Variants in AGAP1 observed in about 807,000 individuals in gnomAD.
The protein encoded by AGAP1 is ArfGAP with GTPase domain, ankyrin repeat and PH domain 1, also known as arf-GAP with GTPase, ANK repeat and PH domain-containing protein 1.
Under a neutral mutation model 105.3 loss-of-function variants are expected in AGAP1, and 29 were observed. The ratio of observed to expected loss-of-function variants is 0.28; its 90% CI spans 0.21 to 0.38. The LOEUF is 0.38. Among genes scored for constraint, AGAP1 ranks in the 10% least tolerant of loss-of-function variants. AGAP1 has a pLI of 1.00. For synonymous variants in AGAP1, 509 were observed against 485.9 expected (o/e 1.05, Z -0.63); for missense variants, 998 against 1,165.1 (o/e 0.86, Z 2.09).
At chr2:235,870,235 G>A (rs745425105) in intron 9 of AGAP1, among the ~76,000 whole-genome samples, 1 of 152,200 alleles carries the variant, frequency 6.6e-6, no homozygotes, top group African/African-American at 2.4e-5. Flanking sequence ...CGTGGATGAG[G>A]TTCCTTGCAT....
chr2:235,525,443 TGTGGAGGACTGATACATAAC>T (rs1276202108), intron 1 of AGAP1, among the ~76,000 whole-genome samples: 14 of 143,030 alleles, frequency 9.8e-5, no homozygotes, highest in East Asian at 4.2e-4. Flanking sequence ...TGATACATAA[TGTGGAGGACTGATACATAAC>T]GTGGAGGACT....
intron 1 of AGAP1, among the ~76,000 whole-genome samples, chr2:235,523,031 T>C (rs1942684284): frequency 6.6e-6 from 1 of 151,996 alleles, no homozygotes; most frequent in Non-Finnish European, 1.5e-5. Context: ...GTTCTGGCGG[T>C]TGGGAGTCCA....
At chr2:235,563,348 C>T (rs1255839459) in intron 1 of AGAP1, among the ~76,000 whole-genome samples, 2 of 152,302 alleles carry the variant, frequency 1.3e-5, no homozygotes, top group African/African-American at 2.4e-5. Context: ...CCTGTCCTGG[C>T]CACGGCTTGA....
intron 11 of AGAP1, among the ~76,000 whole-genome samples, chr2:235,924,654 A>G (rs1006159768): frequency 1.3e-5 from 2 of 152,304 alleles, no homozygotes; most frequent in Admixed American, 1.3e-4. Flanking sequence ...GAGTATCAGC[A>G]TTGTCATGCA....
intron 11 of AGAP1, among the ~76,000 whole-genome samples, chr2:235,923,238 A>G (rs553059630): frequency 1.3e-5 from 2 of 152,206 alleles, no homozygotes; most frequent in East Asian, 3.9e-4. Flanking sequence ...AGCATCCTAT[A>G]CTGTTTGGGG....
intron 6 of AGAP1, chr2:235,775,724 G>A (rs981361829): frequency 2.0e-4 from 30 of 152,308 alleles, no homozygotes; most frequent in Middle Eastern, 3.4e-3. Context: ...GACTTGCGGG[G>A]ATGGAAGAGC....
intron 6 of AGAP1, among the ~76,000 whole-genome samples, chr2:235,759,402 C>T (rs1575359343): frequency 6.7e-6 from 1 of 150,054 alleles, no homozygotes; most frequent in Non-Finnish European, 1.5e-5. Flanking sequence ...ATCTCCTGAC[C>T]TCGTGATCCG....
Position 235,744,266 on chromosome 2 carries a change from G to A in AGAP1, c.397-432G>A, listed in dbSNP as rs1952758145. Among the ~76,000 whole-genome samples, 1 of 152,124 alleles carries A rather than the reference G, an allele frequency of 6.6e-6. No individual in the cohort carries two copies. Among genetic ancestry groups the A allele is most frequent in the African/African-American group, 2.4e-5 (1 of 41,392 alleles). On this transcript the variant is annotated intron_variant, in intron 4 of 17. Transcript: ENST00000304032. The surrounding 1 kb of genome is among the most constrained non-coding windows in gnomAD (Gnocchi z 5.2). ...GTGGGGAGGTTCTGAGCAGGCATGA[G>A]GGGTCCAGCAAGGCTTCCTTAAGAG...
At position 235,931,189 on chromosome 2, in the gene AGAP1, G is replaced by A. The variant is rs1176664654; in HGVS notation, c.1483+266G>A. ...ATTTGGTCAGTTTGGAAACTGAGGC[G>A]GCAGACAGGGCAACTGGCTTACCCA... On this transcript the variant is annotated intron_variant, in intron 12 of 17. Coordinates refer to ENST00000304032, the MANE Select transcript of AGAP1 (RefSeq NM_001037131.3). The surrounding 1 kb of genome is among the most constrained non-coding windows in gnomAD (Gnocchi z 5.6). 3.9e-5 allele frequency among the ~76,000 whole-genome samples: 6 copies of A among 152,288 alleles called. No homozygotes were observed. Among genetic ancestry groups the A allele is most frequent in the Middle Eastern group, 3.4e-3 (1 of 294 alleles).
chr2:235,649,989 T>A (rs1575041130), intron 1 of AGAP1, among the ~76,000 whole-genome samples: 1 of 152,224 alleles, frequency 6.6e-6, no homozygotes, highest in Non-Finnish European at 1.5e-5. Context: ...TAAATCAAAC[T>A]GGATGAACAT....
At chr2:235,968,971 C>T (rs995759450) in intron 13 of AGAP1, among the ~76,000 whole-genome samples, 1 of 152,186 alleles carries the variant, frequency 6.6e-6, no homozygotes, top group Admixed American at 6.5e-5. Context: ...GGCCATGCTG[C>T]GTGACTCTGC....
Position 236,049,128 on chromosome 2 carries a change from TTG to T in AGAP1, c.1962_1963del (p.Gly655HisfsTer13). On this transcript the variant is annotated frameshift_variant, in exon 16 of 18. Coordinates refer to ENST00000304032, the MANE Select transcript of AGAP1 (RefSeq NM_001037131.3). LOFTEE classifies it high-confidence loss of function. ...GAATGCTCAGGGATCCACCGGAATC[TTG>T]GCACCCACCTTTCCCGAGTCCGATC... 6.2e-7 allele frequency: 1 copy of T among 1,614,246 alleles called. No individual in the cohort carries two copies. The highest frequency in any genetic ancestry group is 8.5e-7 in the Non-Finnish European group (1 of 1,180,046).
chr2:236,064,675 C>T (rs1202411656), intron 16 of AGAP1, among the ~76,000 whole-genome samples: 2 of 152,166 alleles, frequency 1.3e-5, no homozygotes, highest in Non-Finnish European at 2.9e-5. Context: ...TAAACCCACA[C>T]TGCTGCAGAG....
rs1950714206 is a variant in AGAP1 at position 235,709,380 on chromosome 2, T to C, written c.222+143T>C. The C allele has an allele frequency of 4.3e-6, 4 of 941,152 alleles. No individual in the cohort carries two copies. In the East Asian group the frequency reaches 9.7e-5, roughly 23 times the overall value. The allele number at this position is 941,152 out of a possible 1,614,324, so 58.3% of individuals were successfully genotyped here. On this transcript the variant is annotated intron_variant, in intron 2 of 17. Coordinates refer to ENST00000304032, the MANE Select transcript of AGAP1 (RefSeq NM_001037131.3). ...GGGTGTGTTCCTGGGAAGGGCCAGG[T>C]ATAGTTGATAGCTTGGGACTAGAGT...
intron 1 of AGAP1, among the ~76,000 whole-genome samples, chr2:235,575,091 C>G (rs1574881491): frequency 6.6e-6 from 1 of 151,912 alleles, no homozygotes; most frequent in South Asian, 2.1e-4. Flanking sequence ...CCACTGCACT[C>G]CAGCCTGGGT....
intron 1 of AGAP1, among the ~76,000 whole-genome samples, chr2:235,649,716 T>C (rs1947518920): frequency 6.6e-6 from 1 of 152,196 alleles, no homozygotes; most frequent in Admixed American, 6.5e-5. Flanking sequence ...GTGCTGATGC[T>C]GCTTGTCTGG....
Position 235,882,490 on chromosome 2 carries a change from C to G in AGAP1, c.1051-855C>G. On this transcript the variant is annotated intron_variant, in intron 9 of 17. Transcript: ENST00000304032. The surrounding 1 kb of genome is among the most constrained non-coding windows in gnomAD (Gnocchi z 4.6). ...ATTCCCCCCACGTCTGGTTTGTCTGCCATTTTCTTAAAACAATCGGTACCA... is the reference window on the plus strand; with the variant it reads ...ATTCCCCCCACGTCTGGTTTGTCTGGCATTTTCTTAAAACAATCGGTACCA... 1 of 1,538,960 alleles carries G rather than the reference C, an allele frequency of 6.5e-7. No homozygotes were observed. The highest frequency in any genetic ancestry group is 8.9e-7 in the Non-Finnish European group (1 of 1,118,620).
chr2:235,717,363 G>T (rs1018308257), intron 2 of AGAP1, among the ~76,000 whole-genome samples, 194 bp from the exon 3 acceptor site: 1 of 152,224 alleles, frequency 6.6e-6, no homozygotes, highest in Non-Finnish European at 1.5e-5. Flanking sequence ...TGATGAGAAC[G>T]TGAGATGTTA....
intron 1 of AGAP1, among the ~76,000 whole-genome samples, chr2:235,707,383 G>A (rs1008671935): frequency 6.6e-6 from 1 of 151,582 alleles, no homozygotes; most frequent in Middle Eastern, 3.4e-3. Context: ...TTCCTCTGAC[G>A]GGATGTCTCA....
Sources: gnomAD v4.1 joint callset for allele counts (sites outside exome capture counted in the v4.1 genomes callset) on GRCh38, gnomAD v4.1.1 for gene constraint, Gnocchi (gnomAD v3.1) non-coding constraint, MANE v1.5 for transcripts, NCBI Gene and HGNC (gene_info 2026-07-23, HGNC 2026-07-21) for gene names.